Variants in PCOLCE2 observed in about 807,000 individuals in gnomAD.
PCOLCE2 encodes procollagen C-proteinase enhancer 2.
A neutral mutation model predicts 47.0 loss-of-function variants in PCOLCE2; 42 were observed. That is an observed-to-expected ratio of 0.89 (90% CI 0.70 to 1.16). The LOEUF (loss-of-function observed/expected upper bound fraction) is 1.16. Among genes scored for constraint, PCOLCE2 ranks in the 50% most tolerant of loss-of-function variants. The pLI, the probability that PCOLCE2 is intolerant of heterozygous loss-of-function variation, is 0.00. For missense variants in PCOLCE2, 500 were observed against 526.1 expected (o/e 0.95, Z 0.49); for synonymous variants, 169 against 191.7 (o/e 0.88, Z 0.98).
intron 6 of PCOLCE2, 62 bp downstream of exon 6, chr3:142,829,627 ACTT>A: frequency 8.2e-7 from 1 of 1,220,452 alleles, no homozygotes; most frequent in Non-Finnish European, 1.1e-6. Flanking sequence ...TTTTTTTTCT[ACTT>A]TAAAAGAATT....
rs563866557 is a variant in PCOLCE2, at chr3:142,827,502, G to A, written c.865+2190C>T. The A allele has an allele frequency of 1.9e-5, 28 of 1,494,962 alleles. No individual in the cohort carries two copies. The South Asian group carries it at 2.1e-4, about 11-fold the overall frequency. The allele number at this position is 1,494,962 out of a possible 1,614,324, so 92.6% of individuals were successfully genotyped here. Reference sequence around the variant, plus strand: ...CCTGATGCCCAGGACAGCTTGCTACGGCCTCCAGGCTTCTCCTCCAGGCAG... The same window carrying A: ...CCTGATGCCCAGGACAGCTTGCTACAGCCTCCAGGCTTCTCCTCCAGGCAG... On this transcript the variant is annotated intron_variant, in intron 6 of 8. Transcript: ENST00000295992.
intron 4 of PCOLCE2, among the ~76,000 whole-genome samples, chr3:142,840,096 G>A (rs188832740): frequency 2.6e-5 from 4 of 152,134 alleles, no homozygotes; most frequent in Non-Finnish European, 5.9e-5. Flanking sequence ...AGTTATTCAG[G>A]GAAGTGGAAT....
intron 5 of PCOLCE2, among the ~76,000 whole-genome samples, chr3:142,835,339 CTA>C (rs1355781743): frequency 1.3e-5 from 2 of 152,158 alleles, no homozygotes; most frequent in African/African-American, 4.8e-5. Context: ...TATATAGCAA[CTA>C]TTTCTGGTAA....
At chr3:142,851,783 T>G (rs1203715601) in intron 2 of PCOLCE2, among the ~76,000 whole-genome samples, 4 of 152,152 alleles carry the variant, frequency 2.6e-5, no homozygotes, top group African/African-American at 4.8e-5. Flanking sequence ...TTAGATTATT[T>G]CATCAAGGAG....
At chr3:142,879,355 A>T (rs1933559828) in intron 2 of PCOLCE2, among the ~76,000 whole-genome samples, 1 of 152,240 alleles carries the variant, frequency 6.6e-6, no homozygotes, top group Admixed American at 6.5e-5. Flanking sequence ...CACTAAAAAT[A>T]CAAGCAGTAC....
At chr3:142,856,636 TGCAGCAGGATGAGGAGACAG>T (rs1299629412) in intron 2 of PCOLCE2, among the ~76,000 whole-genome samples, 2 of 152,176 alleles carry the variant, frequency 1.3e-5, no homozygotes, top group African/African-American at 4.8e-5. Flanking sequence ...CTAAGGTAGA[TGCAGCAGGATGAGGAGACAG>T]GCAATCGTGC....
At chr3:142,822,672 A>C (rs16852641) in intron 7 of PCOLCE2, among the ~76,000 whole-genome samples, 6,985 of 152,254 alleles carry the variant, frequency 0.046, 221 homozygotes, top group East Asian at 0.1. Context: ...TTGTTTTCAC[A>C]TTTATGCCAG....
At position 142,888,808 on chromosome 3, in the gene PCOLCE2, C is replaced by G; in HGVS notation, c.83+6G>C. 5.4e-6 allele frequency: 8 copies of G among 1,493,902 alleles called. No individual in the cohort carries two copies. The highest frequency in any genetic ancestry group is 7.2e-6 in the Non-Finnish European group (8 of 1,117,760). The allele number at this position is 1,493,902 out of a possible 1,614,324, so 92.5% of individuals were successfully genotyped here. ...AGAAAGGGAGCCCGGGCAGGGGTCG[C>G]GTTACCTCTCTGGGGACTGCTGCCG... On this transcript the variant is annotated splice_donor_region_variant and intron_variant, in intron 1 of 8. Coordinates refer to ENST00000295992, the MANE Select transcript of PCOLCE2 (RefSeq NM_013363.4).
intron 7 of PCOLCE2, among the ~76,000 whole-genome samples, chr3:142,822,459 C>A (rs1937026462): frequency 6.6e-6 from 1 of 152,042 alleles, no homozygotes; most frequent in Admixed American, 6.5e-5. Flanking sequence ...ATAAAGTGAA[C>A]ACTCACTGCT....
At chr3:142,827,804 C>T (rs954272964) in intron 6 of PCOLCE2, 56 of 583,664 alleles carry the variant, frequency 9.6e-5, no homozygotes, top group South Asian at 2.9e-4. Flanking sequence ...GGCATATCCA[C>T]TGGAAAATCT....
intron 6 of PCOLCE2, among the ~76,000 whole-genome samples, chr3:142,826,254 G>A (rs951124687): frequency 2.0e-5 from 3 of 152,032 alleles, no homozygotes; most frequent in South Asian, 2.1e-4. Context: ...TGATCCACCC[G>A]CCTCGGCCTC....
At chr3:142,844,858 C>T (rs1578036913) in intron 3 of PCOLCE2, among the ~76,000 whole-genome samples, 1 of 152,140 alleles carries the variant, frequency 6.6e-6, no homozygotes, top group Non-Finnish European at 1.5e-5. Flanking sequence ...TATTTGTAAC[C>T]ATGTCTTTTT....
rs539560040 is a variant in PCOLCE2, at chr3:142,842,608, G to A, written c.573+316C>T. Among the ~76,000 whole-genome samples, 22 of 152,076 alleles carry A rather than the reference G, an allele frequency of 1.4e-4. No homozygotes were observed. Among genetic ancestry groups the A allele is most frequent in the African/African-American group, 2.4e-4 (10 of 41,486 alleles). Reference sequence around the variant, plus strand: ...TACAAAATTAGCCGGGCGTGGTGGCGCGTGCCTGTAATCTCAGCTACTCGT... The same window carrying A: ...TACAAAATTAGCCGGGCGTGGTGGCACGTGCCTGTAATCTCAGCTACTCGT... On this transcript the variant is annotated intron_variant, in intron 4 of 8. Transcript: ENST00000295992. The surrounding 1 kb of genome is among the most constrained non-coding windows in gnomAD (Gnocchi z 4.1).
intron 2 of PCOLCE2, among the ~76,000 whole-genome samples, chr3:142,872,173 C>T (rs953679694): frequency 6.6e-6 from 1 of 152,188 alleles, no homozygotes. Context: ...AGTACCAACA[C>T]CCTCCACACC....
chr3:142,888,216 C>G (rs1196969366), intron 1 of PCOLCE2, among the ~76,000 whole-genome samples: 1 of 152,192 alleles, frequency 6.6e-6, no homozygotes, highest in South Asian at 2.1e-4. Context: ...TCTCCTCCCC[C>G]TTTCTGAAAA....
chr3:142,827,462 G>A (rs878941113), intron 6 of PCOLCE2: 1 of 1,540,986 alleles, frequency 6.5e-7, no homozygotes, highest in Non-Finnish European at 9.0e-7. Context: ...GTGGGAGATA[G>A]CAGTGGCATA....
intron 2 of PCOLCE2, among the ~76,000 whole-genome samples, chr3:142,875,733 C>G (rs1300662769): frequency 1.3e-5 from 2 of 152,090 alleles, no homozygotes; most frequent in Non-Finnish European, 2.9e-5. Context: ...CAACTCTGCA[C>G]CACAGTGCAG....
intron 6 of PCOLCE2, among the ~76,000 whole-genome samples, chr3:142,828,929 C>T (rs1937115402): frequency 6.6e-6 from 1 of 152,216 alleles, no homozygotes; most frequent in African/African-American, 2.4e-5. Context: ...GAGGCGCCTG[C>T]CTGTACTCAG....
intron 3 of PCOLCE2, among the ~76,000 whole-genome samples, chr3:142,846,169 T>C (rs149144540): frequency 2.0e-4 from 30 of 152,296 alleles, no homozygotes; most frequent in Non-Finnish European, 4.1e-4. Flanking sequence ...CCTGTGGAGT[T>C]TGTTGACCCT....
Sources: allele counts gnomAD v4.1 joint callset (sites outside exome capture counted in the v4.1 genomes callset), GRCh38; gene constraint gnomAD v4.1.1; non-coding constraint Gnocchi (gnomAD v3.1); transcripts MANE v1.5; gene names NCBI Gene and HGNC (gene_info 2026-07-23, HGNC 2026-07-21).